MAGI2: variants seen among roughly 807,000 people sequenced by gnomAD.
The protein encoded by MAGI2 is membrane-associated guanylate kinase, WW and PDZ domain-containing protein 2.
In MAGI2, 35 loss-of-function variants were observed where a neutral mutation model predicts 133.3. The observed-to-expected ratio is 0.26, with a 90% CI of 0.20 to 0.35. The LOEUF (loss-of-function observed/expected upper bound fraction) is 0.35, where lower values mean the gene tolerates loss of function less well. MAGI2 is among the 10% of genes least tolerant of loss of function. The probability of loss-of-function intolerance (pLI) is 1.00; values close to 1 mark genes in which losing one functional copy is unlikely to be tolerated. For missense variants in MAGI2, 1,636 were observed against 1,863.4 expected (o/e 0.88, Z 2.25); for synonymous variants, 729 against 710.6 (o/e 1.03, Z -0.41).
intron 1 of MAGI2, among the ~76,000 whole-genome samples, chr7:79,279,142 T>G (rs1390034146): frequency 6.6e-6 from 1 of 152,182 alleles, no homozygotes; most frequent in African/African-American, 2.4e-5. Context: ...CCTGCTCTTT[T>G]TGAAGCGTGG....
chr7:79,237,466 T>A (rs745964971), intron 1 of MAGI2, among the ~76,000 whole-genome samples: 42 of 152,220 alleles, frequency 2.8e-4, no homozygotes, highest in Non-Finnish European at 4.6e-4. Context: ...GAAAAAGTTT[T>A]ATACACTCAA....
In MAGI2 at chr7:78,018,949, T is replaced by C; in HGVS notation, c.*366A>G. On this transcript the variant is annotated 3_prime_UTR_variant, in exon 22 of 22. Coordinates refer to ENST00000354212, the MANE Select transcript of MAGI2 (RefSeq NM_012301.4). ...TTTGTGATTGCTCTTAACTTTGTCC[T>C]GTTTCTTGATATAAAGTTTGGATGA... 2.5e-6 allele frequency: 1 copy of C among 395,502 alleles called. No individual in the cohort carries two copies. Among genetic ancestry groups the C allele is most frequent in the Non-Finnish European group, 4.5e-6 (1 of 224,250 alleles). The allele number at this position is 395,502 out of a possible 1,614,324, so 24.5% of individuals were successfully genotyped here.
rs182613007 is a variant in MAGI2, at chr7:78,871,203, C to T, written c.418+135887G>A. On this transcript the variant is annotated intron_variant, in intron 2 of 21. Transcript: ENST00000354212. ...GTGGGCGCCTGTAGTCCCAGCTACT[C>T]GGGAGGTTGAGGCAGGAGAATGGCG... Among the ~76,000 whole-genome samples, 174 of 152,042 alleles carry T rather than the reference C, an allele frequency of 1.1e-3. 6 individuals are homozygous for T. In the East Asian group the frequency reaches 0.031, roughly 27 times the overall value.
intron 1 of MAGI2, among the ~76,000 whole-genome samples, chr7:79,429,333 C>T (rs757020118): frequency 2.6e-5 from 4 of 151,698 alleles, no homozygotes; most frequent in Non-Finnish European, 5.9e-5. Context: ...GACAGAGTCT[C>T]ACTCTGTCAC....
chr7:78,264,768 A>G (rs896484998), intron 9 of MAGI2, among the ~76,000 whole-genome samples: 1 of 152,218 alleles, frequency 6.6e-6, no homozygotes, highest in African/African-American at 2.4e-5. Flanking sequence ...AGAAAAGACA[A>G]CTTCTAAGGT....
intron 1 of MAGI2, among the ~76,000 whole-genome samples, chr7:79,178,461 C>T (rs905614414): frequency 2.0e-5 from 3 of 151,838 alleles, no homozygotes; most frequent in African/African-American, 7.3e-5. Flanking sequence ...CCTGTAATCC[C>T]AGCACTTTGG....
chr7:78,265,129 C>T (rs1015100905), intron 9 of MAGI2, among the ~76,000 whole-genome samples: 5 of 152,014 alleles, frequency 3.3e-5, no homozygotes, highest in Admixed American at 6.6e-5. Context: ...AACAATTACT[C>T]CCTACCAGAT....
At chr7:78,271,410 AT>A (rs1385987030) in intron 9 of MAGI2, among the ~76,000 whole-genome samples, 1 of 152,018 alleles carries the variant, frequency 6.6e-6, no homozygotes, top group Non-Finnish European at 1.5e-5. Context: ...TTGGCCTGAA[AT>A]TTTCTTTTTT....
chr7:78,678,077 A>G (rs1815248937), intron 2 of MAGI2, among the ~76,000 whole-genome samples: 1 of 152,194 alleles, frequency 6.6e-6, no homozygotes, highest in South Asian at 2.1e-4. Context: ...GGGAGGCAGT[A>G]CCGATCAGAG....
At chr7:78,126,616 G>T (rs1821006878) in intron 19 of MAGI2, among the ~76,000 whole-genome samples, 2 of 152,226 alleles carry the variant, frequency 1.3e-5, no homozygotes, top group African/African-American at 4.8e-5. Flanking sequence ...AGTTAAGGAA[G>T]TTGACATGAA....
Position 78,317,256 on chromosome 7 carries a change from C to A in MAGI2, c.1408+26522G>T, listed in dbSNP as rs180809618. Among the ~76,000 whole-genome samples the A allele has an allele frequency of 2.0e-5, 3 of 152,142 alleles. No individual in the cohort carries two copies. The East Asian group carries it at 5.8e-4, about 29-fold the overall frequency. On this transcript the variant is annotated intron_variant, in intron 9 of 21. Coordinates refer to ENST00000354212, the MANE Select transcript of MAGI2 (RefSeq NM_012301.4). ...TTTGTTCTTTTTGCCTTTTTCTCAC[C>A]CTCTTCTGAGGAATTTTCACTCCAC... is the stretch of plus-strand genomic sequence containing the variant.
chr7:78,893,597 A>G (rs1190756080), intron 2 of MAGI2, among the ~76,000 whole-genome samples: 2 of 152,166 alleles, frequency 1.3e-5, no homozygotes, highest in Non-Finnish European at 2.9e-5. Context: ...GGATGAAGCC[A>G]GAAACCATCA....
At position 78,135,078 on chromosome 7, in the gene MAGI2, C is replaced by T. The variant is rs2150537234; in HGVS notation, c.2974G>A (p.Val992Met). The T allele has an allele frequency of 3.1e-6, 5 of 1,614,110 alleles. No individual in the cohort carries two copies. The highest frequency in any genetic ancestry group is 4.2e-6 in the Non-Finnish European group (5 of 1,180,010). ...SIINMPHADI[V>M]KLIKDAGLSV... ...AGACCTGCATCCTTGATGAGCTTCA[C>T]GATGTCAGCGTGAGGCATGTTGATG... The change falls in exon 17 of 22, where the codon GTG (valine) becomes ATG (methionine). Residue 992 changes from valine (V) to methionine (M), a missense_variant. Val to Met is a conservative substitution (Grantham distance 21). Transcript: ENST00000354212.
chr7:78,400,178 T>A (rs577015850), intron 6 of MAGI2, among the ~76,000 whole-genome samples: 1 of 152,256 alleles, frequency 6.6e-6, no homozygotes, highest in Admixed American at 6.5e-5. Context: ...AAACAGTAGG[T>A]TCTCTAAGAT....
chr7:78,290,467 A>C (rs1441119250), intron 9 of MAGI2, among the ~76,000 whole-genome samples: 2 of 152,298 alleles, frequency 1.3e-5, no homozygotes, highest in Non-Finnish European at 2.9e-5. Flanking sequence ...GAGACCTAGA[A>C]AGAGACTTAG....
intron 2 of MAGI2, among the ~76,000 whole-genome samples, chr7:78,654,949 C>T (rs1812008130): frequency 6.6e-6 from 1 of 151,526 alleles, no homozygotes. Flanking sequence ...GTGCCTTGAA[C>T]GGGTCTGTTT....
At chr7:78,579,946 A>G (rs575522774) in intron 3 of MAGI2, among the ~76,000 whole-genome samples, 1 of 152,278 alleles carries the variant, frequency 6.6e-6, no homozygotes, top group African/African-American at 2.4e-5. Context: ...TTGATCTCTA[A>G]TATCCAGTAT....
At chr7:78,689,430 G>A (rs1816715969) in intron 2 of MAGI2, among the ~76,000 whole-genome samples, 1 of 152,046 alleles carries the variant, frequency 6.6e-6, no homozygotes. Context: ...AAATCAAGGT[G>A]CAATTTAAAT....
intron 6 of MAGI2, among the ~76,000 whole-genome samples, chr7:78,460,108 T>C (rs1789803634): frequency 6.6e-6 from 1 of 152,222 alleles, no homozygotes; most frequent in African/African-American, 2.4e-5. Context: ...ATTCTTCCAA[T>C]AAATGTGATA....
Sources: allele counts gnomAD v4.1 joint callset (sites outside exome capture counted in the v4.1 genomes callset), GRCh38; gene constraint gnomAD v4.1.1; transcripts MANE v1.5; gene names NCBI Gene and HGNC (gene_info 2026-07-23, HGNC 2026-07-21).